The following RALGPS1 variants were observed in gnomAD, a reference collection of about 807,000 sequenced individuals.
The protein encoded by RALGPS1 is ras-specific guanine nucleotide-releasing factor RalGPS1.
In RALGPS1, 19 loss-of-function variants were observed where a neutral mutation model predicts 78.8. That is an observed-to-expected ratio of 0.24 (90% CI 0.17 to 0.35). The LOEUF (loss-of-function observed/expected upper bound fraction) is 0.35, where lower values mean the gene tolerates loss of function less well. RALGPS1 is among the 10% of genes least tolerant of loss of function. RALGPS1 has a pLI of 1.00. For synonymous variants in RALGPS1, 228 were observed against 256.3 expected (o/e 0.89, Z 1.06); for missense variants, 454 against 688.3 (o/e 0.66, Z 3.81).
intron 8 of RALGPS1, among the ~76,000 whole-genome samples, chr9:127,117,788 C>T: frequency 6.6e-6 from 1 of 152,234 alleles, no homozygotes; most frequent in East Asian, 1.9e-4. Context: ...CAGACACAGC[C>T]TTTCCCTCAT....
intron 8 of RALGPS1, chr9:127,088,772 C>G (rs746814997): frequency 2.7e-6 from 2 of 740,678 alleles, no homozygotes; most frequent in Non-Finnish European, 4.5e-6. Context: ...AACACCGTAT[C>G]GATTCAGTTC....
At chr9:127,008,998 C>CTT in intron 4 of RALGPS1, among the ~76,000 whole-genome samples, 1 of 152,270 alleles carries the variant, frequency 6.6e-6, no homozygotes, top group East Asian at 1.9e-4. Context: ...TTTAGGAAGG[C>CTT]TTTTTGCTTT....
At chr9:127,128,228 T>C (rs2056769436) in intron 8 of RALGPS1, among the ~76,000 whole-genome samples, 1 of 152,220 alleles carries the variant, frequency 6.6e-6, no homozygotes, top group Non-Finnish European at 1.5e-5. Flanking sequence ...GTGCCACATT[T>C]TCTTTATCTA....
intron 1 of RALGPS1, among the ~76,000 whole-genome samples, chr9:126,946,688 T>C (rs2037306447): frequency 6.6e-6 from 1 of 151,998 alleles, no homozygotes; most frequent in Admixed American, 6.6e-5. Flanking sequence ...GCAGGGCACC[T>C]CTGATGCACC....
chr9:127,089,221 C>T, intron 8 of RALGPS1: 3 of 1,466,904 alleles, frequency 2.0e-6, no homozygotes, highest in Non-Finnish European at 1.9e-6. Context: ...TTCGGCAAAG[C>T]CCTCTCTGGG....
At position 126,973,481 on chromosome 9, in the gene RALGPS1, A is replaced by G. The variant is rs546092623; in HGVS notation, c.166-4214A>G. On this transcript the variant is annotated intron_variant, in intron 3 of 18. Transcript: ENST00000259351. Reference sequence around the variant, plus strand: ...GTGTATATACTTGAGTGATTAAATTATTTAAAAAACTTGAAGAAAGTCAGG... The same window carrying G: ...GTGTATATACTTGAGTGATTAAATTGTTTAAAAAACTTGAAGAAAGTCAGG... 5.9e-4 allele frequency among the ~76,000 whole-genome samples: 90 copies of G among 152,340 alleles called. 1 individual carries two copies. The highest frequency in any genetic ancestry group is 1.7e-3 in the Admixed American group (26 of 15,298).
intron 4 of RALGPS1, among the ~76,000 whole-genome samples, chr9:126,981,139 C>T (rs1266748859): frequency 6.6e-6 from 1 of 152,050 alleles, no homozygotes; most frequent in East Asian, 1.9e-4. Context: ...AAGAAGGTAC[C>T]TGAGGGACAT....
At chr9:126,922,639 G>A (rs1438453353) in intron 1 of RALGPS1, among the ~76,000 whole-genome samples, 1 of 152,152 alleles carries the variant, frequency 6.6e-6, no homozygotes, top group Non-Finnish European at 1.5e-5. Flanking sequence ...CAGTCCACTA[G>A]CATTTATAGA....
rs72764401 is a variant in RALGPS1, at chr9:127,171,154, A to G, written c.842+2382A>G. ...TTATTCTATTTTATTTTATTTAAGA[A>G]AAATTACCCAATTTCCCATTACCTA... is the stretch of plus-strand genomic sequence containing the variant. On this transcript the variant is annotated intron_variant, in intron 10 of 18. Transcript: ENST00000259351. Among the ~76,000 whole-genome samples, 933 of 152,356 alleles carry G rather than the reference A, an allele frequency of 6.1e-3. 4 individuals are homozygous for G. The highest frequency in any genetic ancestry group is 0.01 in the Non-Finnish European group (700 of 68,030).
intron 8 of RALGPS1, chr9:127,079,894 C>T (rs747864965): frequency 3.3e-5 from 5 of 152,190 alleles, no homozygotes; most frequent in Admixed American, 6.5e-5. Flanking sequence ...CAATGGATAA[C>T]GAGCACATTG....
chr9:127,025,886 G>A (rs887925939), intron 4 of RALGPS1, among the ~76,000 whole-genome samples: 2 of 151,624 alleles, frequency 1.3e-5, no homozygotes, highest in African/African-American at 4.8e-5. Context: ...CTAATTTTCT[G>A]TAGCGACAGG....
chr9:127,131,191 G>A (rs1198779397), intron 8 of RALGPS1, among the ~76,000 whole-genome samples: 1 of 152,174 alleles, frequency 6.6e-6, no homozygotes, highest in Non-Finnish European at 1.5e-5. Context: ...TTTCCTAGCA[G>A]CCTCTCATCC....
At chr9:127,072,063 TAA>T (rs1216626470) in intron 8 of RALGPS1, among the ~76,000 whole-genome samples, 1 of 152,274 alleles carries the variant, frequency 6.6e-6, no homozygotes, top group Admixed American at 6.5e-5. Context: ...AAATTTCATA[TAA>T]ATCCAATCAT....
At chr9:126,921,515 G>T (rs1422509455) in intron 1 of RALGPS1, among the ~76,000 whole-genome samples, 3 of 152,250 alleles carry the variant, frequency 2.0e-5, no homozygotes, top group African/African-American at 4.8e-5. Context: ...TGAAGACCCA[G>T]AACAGCAAAT....
chr9:127,124,536 C>T (rs1030346142), intron 8 of RALGPS1, among the ~76,000 whole-genome samples: 31 of 152,168 alleles, frequency 2.0e-4, no homozygotes, highest in African/African-American at 6.5e-4. Context: ...TCCTGACCCA[C>T]AGGCCCCATG....
In RALGPS1 at chr9:127,183,269, G is replaced by C. The variant is rs1189795869; in HGVS notation, c.910+8487G>C. ...CTAGCTGGCAGCCGATATCGCTGAT[G>C]CTTCTTCTCCCAGGCACTTCCGTGG... On this transcript the variant is annotated intron_variant, in intron 11 of 18. Coordinates refer to ENST00000259351, the MANE Select transcript of RALGPS1 (RefSeq NM_014636.3). This position sits in a 1 kb window ranked among gnomAD's most constrained non-coding sequence, Gnocchi z 4.0. 6.6e-6 allele frequency among the ~76,000 whole-genome samples: 1 copy of C among 152,222 alleles called. No homozygotes were observed. The highest frequency in any genetic ancestry group is 1.5e-5 in the Non-Finnish European group (1 of 68,042).
chr9:127,079,574 C>G (rs2050989120), intron 8 of RALGPS1: 1 of 152,216 alleles, frequency 6.6e-6, no homozygotes, highest in Admixed American at 6.5e-5. Context: ...GCCCTTTCTA[C>G]TCTCTTTTGG....
intron 4 of RALGPS1, among the ~76,000 whole-genome samples, chr9:127,029,631 G>C (rs2046249870): frequency 6.6e-6 from 1 of 152,256 alleles, no homozygotes; most frequent in Non-Finnish European, 1.5e-5. Flanking sequence ...TGATGAACGT[G>C]ATTTGGAGAT....
At chr9:127,140,486 G>A (rs1318691475) in intron 8 of RALGPS1, among the ~76,000 whole-genome samples, 1 of 152,186 alleles carries the variant, frequency 6.6e-6, no homozygotes. Context: ...CACCTGGGCT[G>A]GAATCCTTTC....
Sources: gnomAD v4.1 joint callset for allele counts (sites outside exome capture counted in the v4.1 genomes callset) on GRCh38, gnomAD v4.1.1 for gene constraint, Gnocchi (gnomAD v3.1) non-coding constraint, MANE v1.5 for transcripts, NCBI Gene and HGNC (gene_info 2026-07-23, HGNC 2026-07-21) for gene names.